Variants in NHS observed in about 807,000 individuals in gnomAD.
NHS encodes the protein NHS actin remodeling regulator.
A neutral mutation model predicts 72.5 loss-of-function variants in NHS; 5 were observed. The ratio of observed to expected loss-of-function variants is 0.07; its 90% CI spans 0.04 to 0.14. The LOEUF is 0.14. Ranked by LOEUF, NHS falls within the 10% of genes least tolerant of loss-of-function variation. NHS has a pLI of 1.00. For synonymous variants in NHS, 464 were observed against 547.7 expected (o/e 0.85, Z 2.13); for missense variants, 1,072 against 1,355.7 (o/e 0.79, Z 3.29).
intron 1 of NHS, among the ~76,000 whole-genome samples, chrX:17,446,671 A>T (rs78309725): frequency 1.7e-4 from 19 of 110,064 alleles, no homozygotes; most frequent in Non-Finnish European, 1.9e-5. Context: ...AAAAAAAAAA[A>T]TCAATAAAAT....
At chrX:17,657,927 TCTTTC>T (rs1420045143) in intron 1 of NHS, among the ~76,000 whole-genome samples, 3 of 112,911 alleles carry the variant, frequency 2.7e-5, no homozygotes, top group Non-Finnish European at 5.6e-5. Flanking sequence ...GGGCTACTAC[TCTTTC>T]CTTTCCAGGT....
chrX:17,613,230 G>A (rs180671600), intron 1 of NHS, among the ~76,000 whole-genome samples: 11 of 110,430 alleles, frequency 1.0e-4, no homozygotes, highest in East Asian at 8.6e-4. Context: ...AAAATTGGCC[G>A]GATATGGTGG....
chrX:17,709,996 G>A (rs1364452608), intron 3 of NHS, among the ~76,000 whole-genome samples: 9 of 111,835 alleles, frequency 8.0e-5, no homozygotes, highest in Non-Finnish European at 5.6e-5. Flanking sequence ...ATAGCTGGGG[G>A]CAAAGGACCA....
Position 17,725,420 on chromosome X carries a change from C to A in NHS, c.1314C>A (p.Val438=), listed in dbSNP as rs1195771457. Residue 438 remains valine, a synonymous_variant, in exon 7 of 9, where the codon GTC becomes GTA. Transcript: ENST00000676302. ...CAAACCCAGACCCCTCCAACACTGTCAATAGGATATCCGGAACCAGGGACT... is the reference window on the plus strand; with the variant it reads ...CAAACCCAGACCCCTCCAACACTGTAAATAGGATATCCGGAACCAGGGACT... ...VHTNPDPSNT[V]NRISGTRDSE... 1.7e-6 allele frequency: 2 copies of A among 1,208,621 alleles called. No homozygotes were observed. The highest frequency in any genetic ancestry group is 3.5e-5 in the African/African-American group (2 of 56,897).
At chrX:17,613,959 C>T (rs1569293707) in intron 1 of NHS, among the ~76,000 whole-genome samples, 1 of 112,306 alleles carries the variant, frequency 8.9e-6, no homozygotes, top group Non-Finnish European at 1.9e-5. Flanking sequence ...TGTGATTAAT[C>T]TGCTAGTAGA....
At chrX:17,562,522 A>T (rs1328557477) in intron 1 of NHS, among the ~76,000 whole-genome samples, 1 of 111,389 alleles carries the variant, frequency 9.0e-6, no homozygotes, top group Non-Finnish European at 1.9e-5. Context: ...AGGTGCAGTG[A>T]ACTGAGGTGA....
chrX:17,390,428 A>T (rs1403491729), intron 1 of NHS, among the ~76,000 whole-genome samples: 2 of 95,285 alleles, frequency 2.1e-5, no homozygotes, highest in South Asian at 5.4e-4. Context: ...GCGCATGTTT[A>T]TTGAGAGTTT....
intron 3 of NHS, among the ~76,000 whole-genome samples, chrX:17,693,406 G>A (rs769476920): frequency 8.9e-6 from 1 of 112,493 alleles, no homozygotes; most frequent in African/African-American, 3.2e-5. Context: ...CATTCCTGCT[G>A]TCTTGTCATT....
chrX:17,387,049 G>A (rs1469097743), intron 1 of NHS, among the ~76,000 whole-genome samples: 2 of 112,161 alleles, frequency 1.8e-5, no homozygotes, highest in African/African-American at 6.5e-5. Context: ...TTGTTCAGAC[G>A]GATTCAAGGC....
intron 1 of NHS, among the ~76,000 whole-genome samples, chrX:17,412,656 G>T (rs1326356016): frequency 8.9e-6 from 1 of 112,104 alleles, no homozygotes; most frequent in Non-Finnish European, 1.9e-5. Context: ...AGTCTCAAAA[G>T]TTCCTTTTAA....
At chrX:17,465,919 A>G (rs928102688) in intron 1 of NHS, among the ~76,000 whole-genome samples, 15 of 112,764 alleles carry the variant, frequency 1.3e-4, no homozygotes, top group African/African-American at 1.9e-4. Context: ...CTGCCAGTCT[A>G]TTCTTTCCTC....
At chrX:17,578,826 T>A (rs1383263326) in intron 1 of NHS, among the ~76,000 whole-genome samples, 1 of 112,141 alleles carries the variant, frequency 8.9e-6, no homozygotes, top group Non-Finnish European at 1.9e-5. Flanking sequence ...AAGTGCTCAA[T>A]AAGTGTTCGC....
chrX:17,665,032 TAAA>T (rs1172274744), intron 1 of NHS, among the ~76,000 whole-genome samples: 4 of 109,385 alleles, frequency 3.7e-5, no homozygotes, highest in African/African-American at 9.9e-5. Context: ...TAATAATACA[TAAA>T]TAATATATAA....
chrX:17,430,340 TTTCTTTCTTTCTTTTTC>T (rs2064688175), intron 1 of NHS, among the ~76,000 whole-genome samples: 1 of 94,004 alleles, frequency 1.1e-5, no homozygotes, highest in Non-Finnish European at 2.1e-5. Context: ...TTTTCTTCTC[TTTCTTTCTTTCTTTTTC>T]TTCTTTCTTT....
chrX:17,470,149 A>G (rs1387090826), intron 1 of NHS, among the ~76,000 whole-genome samples: 2 of 110,088 alleles, frequency 1.8e-5, no homozygotes, highest in Non-Finnish European at 3.8e-5. Flanking sequence ...TCTTATCCCT[A>G]TTTACAGCTG....
At chrX:17,721,744 T>C (rs1242627345) in intron 5 of NHS, 111 bp downstream of exon 5, 1 of 665,203 alleles carries the variant, frequency 1.5e-6, no homozygotes, top group South Asian at 3.2e-5. Context: ...GTAATGCCTT[T>C]TTGTCATCAA....
chrX:17,616,849 C>T (rs2065749866), intron 1 of NHS, among the ~76,000 whole-genome samples: 1 of 112,263 alleles, frequency 8.9e-6, no homozygotes, highest in African/African-American at 3.2e-5. Context: ...TTTGGACATA[C>T]TAGCCTTGTT....
chrX:17,513,922 A>G (rs1038359642), intron 1 of NHS, among the ~76,000 whole-genome samples: 4 of 112,066 alleles, frequency 3.6e-5, no homozygotes, highest in African/African-American at 1.3e-4. Context: ...CAAAAGAAAG[A>G]GGTTTAATGG....
At chrX:17,723,724 G>GAGGT (rs1309818564) in intron 5 of NHS, among the ~76,000 whole-genome samples, 2 of 47,399 alleles carry the variant, frequency 4.2e-5, no homozygotes, top group East Asian at 9.7e-4. Context: ...CACAGCAAAA[G>GAGGT]AGGTGTGTGT....
Sources: allele counts gnomAD v4.1 joint callset (sites outside exome capture counted in the v4.1 genomes callset), GRCh38; gene constraint gnomAD v4.1.1; transcripts MANE v1.5; gene names NCBI Gene and HGNC (gene_info 2026-07-23, HGNC 2026-07-21).